Variants in PPP6C observed in about 807,000 individuals in gnomAD.
PPP6C encodes the protein serine/threonine-protein phosphatase 6 catalytic subunit.
A neutral mutation model predicts 39.8 loss-of-function variants in PPP6C; 11 were observed. That is an observed-to-expected ratio of 0.28 (90% CI 0.17 to 0.46). The LOEUF (loss-of-function observed/expected upper bound fraction) is 0.46. Among genes scored for constraint, PPP6C ranks in the 20% least tolerant of loss-of-function variants. The pLI is 1.00. For missense variants in PPP6C, 211 were observed against 373.9 expected (o/e 0.56, Z 3.59); for synonymous variants, 129 against 130.3 (o/e 0.99, Z 0.07).
intron 1 of PPP6C, among the ~76,000 whole-genome samples, chr9:125,188,563 A>T (rs534991775): frequency 3.5e-4 from 53 of 152,108 alleles, no homozygotes; most frequent in African/African-American, 1.3e-3. Flanking sequence ...AAGCGGGCGG[A>T]TCACTTGAGG....
intron 4 of PPP6C, among the ~76,000 whole-genome samples, chr9:125,155,806 G>A (rs562496042): frequency 5.9e-5 from 9 of 151,686 alleles, no homozygotes; most frequent in African/African-American, 2.2e-4. Context: ...TTGGGAGGCG[G>A]AGGCAGGAGA....
chr9:125,171,760 G>A (rs1392089644), intron 1 of PPP6C: 1 of 384,282 alleles, frequency 2.6e-6, no homozygotes, highest in Non-Finnish European at 5.1e-6. Flanking sequence ...TACCATGTTG[G>A]CCAGGCTGGT....
chr9:125,160,198 G>A (rs555552886), intron 3 of PPP6C, among the ~76,000 whole-genome samples: 10 of 152,236 alleles, frequency 6.6e-5, no homozygotes, highest in Non-Finnish European at 1.0e-4. Context: ...ATGAATGCTC[G>A]AAAAGTCTGA....
intron 1 of PPP6C, among the ~76,000 whole-genome samples, chr9:125,186,776 AT>A (rs1163946678): frequency 2.0e-5 from 3 of 151,604 alleles, no homozygotes; most frequent in South Asian, 2.1e-4. Context: ...AAGATTAAAA[AT>A]TTTTTTAAGA....
chr9:125,182,036 C>A (rs1829431865), intron 1 of PPP6C, among the ~76,000 whole-genome samples: 1 of 152,170 alleles, frequency 6.6e-6, no homozygotes, highest in Non-Finnish European at 1.5e-5. Context: ...TTTTGATTTG[C>A]ATTTCTTTAA....
Position 125,171,095 on chromosome 9 carries a change from A to G in PPP6C, c.161T>C (p.Ile54Thr), listed in dbSNP as rs1338989099. 3 of 1,581,614 alleles carry G rather than the reference A, an allele frequency of 1.9e-6. No homozygotes were observed. The highest frequency in any genetic ancestry group is 1.8e-5 in the Admixed American group (1 of 55,996). ...VSTPVTVCGD[I>T]HGQFYDLCEL... ...CTCATGAAATTTTACCTGTCCATGG[A>G]TATCTCCACACACTGTTACTGGTGT... The change falls in exon 2 of 7, where the codon ATC (isoleucine) becomes ACC (threonine). Residue 54 changes from isoleucine to threonine, a missense_variant. By Grantham distance (89) the Ile-to-Thr change is moderately conservative. This residue lies in a region of PPP6C where 168 missense variants were observed against 342.6 expected (regional missense o/e 0.49). Coordinates refer to ENST00000373547, the MANE Select transcript of PPP6C (RefSeq NM_002721.5).
intron 6 of PPP6C, among the ~76,000 whole-genome samples, chr9:125,151,766 G>A (rs184084236): frequency 3.3e-5 from 5 of 152,304 alleles, no homozygotes; most frequent in African/African-American, 9.6e-5. Flanking sequence ...GAGATTAACT[G>A]CTGGGACTTC....
chr9:125,182,442 G>A (rs1190023209), intron 1 of PPP6C, among the ~76,000 whole-genome samples: 1 of 152,122 alleles, frequency 6.6e-6, no homozygotes. Context: ...CAGAGCTCAA[G>A]ACTAGCTTGG....
intron 1 of PPP6C, among the ~76,000 whole-genome samples, chr9:125,179,494 A>T (rs140314205): frequency 1.4e-3 from 209 of 152,164 alleles, no homozygotes; most frequent in Non-Finnish European, 2.4e-3. Flanking sequence ...ACTCCTCTCC[A>T]TGGAGGCTGC....
At chr9:125,172,108 A>G in intron 1 of PPP6C, 1 of 357,622 alleles carries the variant, frequency 2.8e-6, no homozygotes, top group Non-Finnish European at 5.4e-6. Flanking sequence ...ATACTGCCAC[A>G]CAACAACCTG....
At chr9:125,171,794 T>C (rs1239723820) in intron 1 of PPP6C, 9 of 435,164 alleles carry the variant, frequency 2.1e-5, no homozygotes, top group Non-Finnish European at 3.7e-5. Flanking sequence ...CCTCAGGTGA[T>C]CCACCCACCT....
chr9:125,185,645 G>GCTCACGCC (rs1327396256), intron 1 of PPP6C, among the ~76,000 whole-genome samples: 1 of 151,338 alleles, frequency 6.6e-6, no homozygotes, highest in African/African-American at 2.4e-5. Context: ...AGTGAGCTGA[G>GCTCACGCC]AACGTGCACC....
chr9:125,148,123 C>A lies in PPP6C; in HGVS notation c.*1550G>T, dbSNP rs1370739775. On this transcript the variant is annotated 3_prime_UTR_variant, in exon 7 of 7. Coordinates refer to ENST00000373547, the MANE Select transcript of PPP6C (RefSeq NM_002721.5). ...ATTGTGCTCAATTAATAAAAGAAAA[C>A]CCTGATGAAAAATTATATGCCAAGA... 1.1e-5 allele frequency: 2 copies of A among 185,812 alleles called. No individual in the cohort carries two copies. The highest frequency in any genetic ancestry group is 2.3e-5 in the Non-Finnish European group (2 of 88,616). The allele number at this position is 185,812 out of a possible 1,614,324, so 11.5% of individuals were successfully genotyped here.
intron 1 of PPP6C, among the ~76,000 whole-genome samples, chr9:125,183,322 T>G (rs993083151): frequency 1.3e-5 from 2 of 152,100 alleles, no homozygotes; most frequent in African/African-American, 4.8e-5. Flanking sequence ...TCATTCTCCT[T>G]CTTAAAAACT....
chr9:125,182,738 G>A (rs927102550), intron 1 of PPP6C, among the ~76,000 whole-genome samples: 1 of 147,788 alleles, frequency 6.8e-6, no homozygotes, highest in Non-Finnish European at 1.5e-5. Context: ...CAAAATCTCC[G>A]ACATCTACGC....
chr9:125,185,314 G>T (rs58927411), intron 1 of PPP6C, among the ~76,000 whole-genome samples: 83 of 150,140 alleles, frequency 5.5e-4, no homozygotes, highest in African/African-American at 1.8e-3. Context: ...GCATGATCTC[G>T]GCTCACTGCA....
At chr9:125,181,123 A>T (rs1182662464) in intron 1 of PPP6C, among the ~76,000 whole-genome samples, 1 of 152,154 alleles carries the variant, frequency 6.6e-6, no homozygotes, top group African/African-American at 2.4e-5. Context: ...AAAAATAAGA[A>T]GTCTATGCAA....
chr9:125,148,057 G>C lies in PPP6C; in HGVS notation c.*1616C>G, dbSNP rs1383333779. The C allele has an allele frequency of 5.4e-6, 1 of 186,154 alleles. No individual in the cohort carries two copies. Among genetic ancestry groups the C allele is most frequent in the African/African-American group, 2.4e-5 (1 of 41,560 alleles). 11.5% of individuals were successfully genotyped at this position (186,154 alleles called of 1,614,324 possible). On this transcript the variant is annotated 3_prime_UTR_variant, in exon 7 of 7. Transcript: ENST00000373547. ...GCTATATAATTAAAAACTATGTAAG[G>C]AGCTGGGTGGTTTGAGGGAAAAAAA... is the stretch of plus-strand genomic sequence containing the variant.
chr9:125,167,839 G>A (rs1041205013), intron 2 of PPP6C, among the ~76,000 whole-genome samples: 15 of 137,112 alleles, frequency 1.1e-4, no homozygotes, highest in South Asian at 2.6e-4. Flanking sequence ...TGGGGGGGGG[G>A]GGGGGGGGTA....
Sources: gnomAD v4.1 joint callset for allele counts (sites outside exome capture counted in the v4.1 genomes callset) on GRCh38, gnomAD v4.1.1 for gene constraint, gnomAD v4.1.1 regional missense constraint, MANE v1.5 for transcripts, NCBI Gene and HGNC (gene_info 2026-07-23, HGNC 2026-07-21) for gene names.